The following NDUFAF2 variants were observed in gnomAD, a reference collection of about 807,000 sequenced individuals.
NDUFAF2 encodes NADH:ubiquinone oxidoreductase complex assembly factor 2.
In NDUFAF2, 13 loss-of-function variants were observed where a neutral mutation model predicts 22.8. The ratio of observed to expected loss-of-function variants is 0.57; its 90% CI spans 0.37 to 0.91. NDUFAF2 has a LOEUF of 0.91. Among genes scored for constraint, NDUFAF2 ranks in the 40% least tolerant of loss-of-function variants. NDUFAF2 has a pLI of 0.01. For missense variants in NDUFAF2, 162 were observed against 195.2 expected, an observed-to-expected ratio of 0.83 and a Z score of 1.01; for synonymous variants, 53 against 64.2, an observed-to-expected ratio of 0.83 and a Z score of 0.84.
intron 1 of NDUFAF2, among the ~76,000 whole-genome samples, chr5:60,973,227 T>A (rs2112574273): frequency 6.6e-6 from 1 of 152,298 alleles, no homozygotes; most frequent in Non-Finnish European, 1.5e-5. Flanking sequence ...TTTTGGTAGA[T>A]TCCTCAAGAA....
At chr5:60,981,696 A>T (rs1750979798) in intron 1 of NDUFAF2, among the ~76,000 whole-genome samples, 1 of 152,196 alleles carries the variant, frequency 6.6e-6, no homozygotes, top group Admixed American at 6.5e-5. Flanking sequence ...GAGACAGTGT[A>T]AAGTTTTTAT....
chr5:60,977,674 T>TA (rs1750920016), intron 1 of NDUFAF2, among the ~76,000 whole-genome samples: 1 of 151,718 alleles, frequency 6.6e-6, no homozygotes, highest in African/African-American at 2.4e-5. Context: ...CCGTTTCTAC[T>TA]AAAAATACAA....
chr5:61,009,389 C>T (rs1450425751), intron 1 of NDUFAF2, among the ~76,000 whole-genome samples: 1 of 152,032 alleles, frequency 6.6e-6, no homozygotes, highest in Non-Finnish European at 1.5e-5. Context: ...GTAACATCTC[C>T]TAATCTCACC....
At chr5:60,977,212 G>A (rs1750914634) in intron 1 of NDUFAF2, among the ~76,000 whole-genome samples, 1 of 152,066 alleles carries the variant, frequency 6.6e-6, no homozygotes, top group Non-Finnish European at 1.5e-5. Context: ...AGGATTACTT[G>A]AGGCCAGGAG....
chr5:61,001,394 A>C (rs1751293271), intron 1 of NDUFAF2, among the ~76,000 whole-genome samples: 1 of 152,160 alleles, frequency 6.6e-6, no homozygotes, highest in African/African-American at 2.4e-5. Flanking sequence ...TGAAGGGAAA[A>C]CCATTGTGAA....
chr5:60,969,068 A>T (rs1483416065), intron 1 of NDUFAF2, among the ~76,000 whole-genome samples: 3 of 151,934 alleles, frequency 2.0e-5, no homozygotes, highest in African/African-American at 7.3e-5. Flanking sequence ...GCTGAATGGT[A>T]CTCCACTGTG....
chr5:60,957,531 A>G (rs980047901), intron 1 of NDUFAF2, among the ~76,000 whole-genome samples: 3 of 151,242 alleles, frequency 2.0e-5, no homozygotes, highest in African/African-American at 7.3e-5. Flanking sequence ...ATGTCTCTAT[A>G]GATTCTCCCT....
intron 3 of NDUFAF2, among the ~76,000 whole-genome samples, chr5:61,137,049 A>G (rs1740972754): frequency 6.6e-6 from 1 of 152,194 alleles, no homozygotes; most frequent in African/African-American, 2.4e-5. Context: ...ACTTTTACCA[A>G]TGCCGTTTTT....
In NDUFAF2 at chr5:60,999,786, T is replaced by C. The variant is rs1751274316; in HGVS notation, c.127+54404T>C. 3.3e-5 allele frequency among the ~76,000 whole-genome samples: 5 copies of C among 152,234 alleles called. No individual in the cohort carries two copies. In the South Asian group the frequency reaches 1.0e-3, roughly 31 times the overall value. ...TGAATGCTGTCAATATCAGTGTCTT[T>C]ACATACAGTATATTTTTGAAAATGT... On this transcript the variant is annotated intron_variant, in intron 1 of 3. Coordinates refer to ENST00000296597, the MANE Select transcript of NDUFAF2 (RefSeq NM_174889.5).
chr5:61,107,784 T>G (rs1752786949), intron 3 of NDUFAF2, among the ~76,000 whole-genome samples: 2 of 149,038 alleles, frequency 1.3e-5, no homozygotes, highest in African/African-American at 5.0e-5. Context: ...TCATCTAGCA[T>G]TAGGTATATC....
At chr5:60,990,674 A>C (rs1383791961) in intron 1 of NDUFAF2, among the ~76,000 whole-genome samples, 1 of 152,206 alleles carries the variant, frequency 6.6e-6, no homozygotes, top group Non-Finnish European at 1.5e-5. Flanking sequence ...TTTTTACAAA[A>C]AGTCTAAGCA....
chr5:61,141,003 C>T (rs533661129), intron 3 of NDUFAF2, among the ~76,000 whole-genome samples: 11 of 152,132 alleles, frequency 7.2e-5, no homozygotes, highest in African/African-American at 1.4e-4. Flanking sequence ...CCAAGGCGGG[C>T]GGATCACCTG....
chr5:60,955,608 A>G (rs1196371244), intron 1 of NDUFAF2, among the ~76,000 whole-genome samples: 2 of 152,178 alleles, frequency 1.3e-5, no homozygotes, highest in Non-Finnish European at 2.9e-5. Flanking sequence ...GGAAAAAAAA[A>G]GTCATTGGAG....
At chr5:61,045,066 G>A (rs6449517) in intron 1 of NDUFAF2, among the ~76,000 whole-genome samples, 101,181 of 130,298 alleles carry the variant, frequency 0.78, 41,484 homozygotes, top group East Asian at 0.99. Context: ...GTAAAATAAA[G>A]TTTTATTAAA....
At chr5:61,073,832 G>C (rs1752332798) in intron 2 of NDUFAF2, among the ~76,000 whole-genome samples, 1 of 152,188 alleles carries the variant, frequency 6.6e-6, no homozygotes, top group Non-Finnish European at 1.5e-5. Context: ...TAGCTTGTAA[G>C]TGGTCACCTT....
chr5:61,064,632 C>G (rs1252814397), intron 1 of NDUFAF2, among the ~76,000 whole-genome samples: 1 of 151,956 alleles, frequency 6.6e-6, no homozygotes, highest in Non-Finnish European at 1.5e-5. Flanking sequence ...CCTGAATGAC[C>G]AGTGGGTCAA....
At chr5:61,019,642 G>A (rs1313223759) in intron 1 of NDUFAF2, among the ~76,000 whole-genome samples, 2 of 151,852 alleles carry the variant, frequency 1.3e-5, no homozygotes, top group African/African-American at 2.4e-5. Flanking sequence ...AAAATACCCC[G>A]TAGTGCTGGA....
At chr5:60,949,642 A>G (rs1046358666) in intron 1 of NDUFAF2, among the ~76,000 whole-genome samples, 40 of 152,200 alleles carry the variant, frequency 2.6e-4, no homozygotes, top group African/African-American at 7.2e-5. Context: ...CTCACAAAGT[A>G]TTTTTGCTAC....
At chr5:60,981,609 G>T (rs1018865061) in intron 1 of NDUFAF2, among the ~76,000 whole-genome samples, 1 of 152,072 alleles carries the variant, frequency 6.6e-6, no homozygotes, top group African/African-American at 2.4e-5. Context: ...AACTGATCAA[G>T]AATAATAACT....
Sources: allele counts gnomAD v4.1 joint callset (sites outside exome capture counted in the v4.1 genomes callset), GRCh38; gene constraint gnomAD v4.1.1; transcripts MANE v1.5; gene names NCBI Gene and HGNC (gene_info 2026-07-23, HGNC 2026-07-21).